HNF4G: variants seen among roughly 807,000 people sequenced by gnomAD.
HNF4G encodes the protein hepatocyte nuclear factor 4-gamma.
Under a neutral mutation model 50.9 loss-of-function variants are expected in HNF4G, and 21 were observed. The observed-to-expected ratio is 0.41, with a 90% CI of 0.29 to 0.59. The LOEUF is 0.59. Among genes scored for constraint, HNF4G ranks in the 20% least tolerant of loss-of-function variants. The pLI is 0.26. For missense variants in HNF4G, 527 were observed against 559.4 expected (o/e 0.94, Z 0.58); for synonymous variants, 198 against 185.6 (o/e 1.07, Z -0.54).
intron 1 of HNF4G, among the ~76,000 whole-genome samples, chr8:75,462,703 T>C (rs1235670096): frequency 3.9e-5 from 6 of 152,152 alleles, no homozygotes; most frequent in African/African-American, 1.4e-4. Flanking sequence ...ATTACGGTAG[T>C]GTAATATAAT....
intron 2 of HNF4G, among the ~76,000 whole-genome samples, chr8:75,523,834 A>G (rs1199388470): frequency 1.3e-5 from 2 of 151,992 alleles, no homozygotes; most frequent in Admixed American, 1.3e-4. Flanking sequence ...AATTTTATAT[A>G]CTTCTATATT....
intron 2 of HNF4G, among the ~76,000 whole-genome samples, chr8:75,501,485 C>T (rs574212028): frequency 1.3e-5 from 2 of 152,008 alleles, no homozygotes; most frequent in Admixed American, 6.6e-5. Context: ...ATAGACAGAT[C>T]GATAAGTTGA....
intron 2 of HNF4G, among the ~76,000 whole-genome samples, chr8:75,513,662 T>G (rs1336079217): frequency 6.6e-6 from 1 of 152,110 alleles, no homozygotes; most frequent in African/African-American, 2.4e-5. Context: ...TTTTCCCTGT[T>G]GCTTGTTTTC....
intron 1 of HNF4G, among the ~76,000 whole-genome samples, chr8:75,453,537 G>C (rs551539962): frequency 7.2e-6 from 1 of 138,442 alleles, no homozygotes; most frequent in Admixed American, 8.5e-5. Context: ...GTGGCAACCT[G>C]CTAGGGTTCC....
At chr8:75,454,644 T>G (rs889751022) in intron 1 of HNF4G, among the ~76,000 whole-genome samples, 10 of 152,214 alleles carry the variant, frequency 6.6e-5, no homozygotes, top group African/African-American at 2.4e-4. Flanking sequence ...TCTCCCTATT[T>G]GCTCAGGTCT....
chr8:75,417,960 T>TACACAC (rs144672882), intron 1 of HNF4G, among the ~76,000 whole-genome samples: 185 of 148,866 alleles, frequency 1.2e-3, no homozygotes, highest in African/African-American at 2.4e-3. Context: ...TGTGTGTGTC[T>TACACAC]ACACACACAC....
chr8:75,439,861 T>C lies in HNF4G; in HGVS notation c.-144+31699T>C, dbSNP rs1453827743. ...TTTAGATAATTCAGTTTTTACTACATAACTAAGACTTTTTTTTATAGCAAG... is the reference window on the plus strand; with the variant it reads ...TTTAGATAATTCAGTTTTTACTACACAACTAAGACTTTTTTTTATAGCAAG... On this transcript the variant is annotated intron_variant, in intron 1 of 10. Transcript: ENST00000354370. 5.9e-5 allele frequency among the ~76,000 whole-genome samples: 9 copies of C among 152,178 alleles called. No individual in the cohort carries two copies. In the East Asian group the frequency reaches 1.7e-3, roughly 29 times the overall value.
At chr8:75,434,920 CA>C (rs1811102061) in intron 1 of HNF4G, among the ~76,000 whole-genome samples, 1 of 152,114 alleles carries the variant, frequency 6.6e-6, no homozygotes, top group African/African-American at 2.4e-5. Context: ...AACCCATTGT[CA>C]AAAATCTCTC....
intron 1 of HNF4G, among the ~76,000 whole-genome samples, chr8:75,466,282 C>T (rs1811968832): frequency 6.6e-6 from 1 of 152,092 alleles, no homozygotes; most frequent in African/African-American, 2.4e-5. Context: ...CAAGCAATGA[C>T]TGCCTCTTTA....
chr8:75,413,572 T>C (rs911068675), intron 1 of HNF4G, among the ~76,000 whole-genome samples: 1 of 151,460 alleles, frequency 6.6e-6, no homozygotes, highest in Non-Finnish European at 1.5e-5. Flanking sequence ...GGGATACCTA[T>C]AAAAAAAAAT....
intron 2 of HNF4G, among the ~76,000 whole-genome samples, chr8:75,531,464 ACTAT>A (rs1343697290): frequency 1.3e-5 from 2 of 152,110 alleles, no homozygotes; most frequent in African/African-American, 4.8e-5. Context: ...TTATCTTTCC[ACTAT>A]CTAAGTATTT....
intron 2 of HNF4G, among the ~76,000 whole-genome samples, chr8:75,514,219 T>A: frequency 6.6e-6 from 1 of 151,970 alleles, no homozygotes; most frequent in Non-Finnish European, 1.5e-5. Context: ...TATAATGATT[T>A]TTTTTGGTCT....
At chr8:75,472,339 T>C (rs1367589706) in intron 1 of HNF4G, among the ~76,000 whole-genome samples, 1 of 152,184 alleles carries the variant, frequency 6.6e-6, no homozygotes, top group South Asian at 2.1e-4. Flanking sequence ...CTCCCTCCTT[T>C]TGAGAAAAGA....
intron 2 of HNF4G, among the ~76,000 whole-genome samples, chr8:75,513,709 C>T (rs922590286): frequency 6.6e-6 from 1 of 151,858 alleles, no homozygotes; most frequent in Non-Finnish European, 1.5e-5. Flanking sequence ...AAATTTTTCT[C>T]CAACTATAGT....
At chr8:75,443,365 T>C (rs1217636978) in intron 1 of HNF4G, among the ~76,000 whole-genome samples, 1 of 152,212 alleles carries the variant, frequency 6.6e-6, no homozygotes, top group African/African-American at 2.4e-5. Flanking sequence ...TTCCAGTCTC[T>C]AAAATGAGAA....
chr8:75,534,512 G>A (rs553377621), intron 2 of HNF4G, among the ~76,000 whole-genome samples: 56 of 151,886 alleles, frequency 3.7e-4, no homozygotes, highest in African/African-American at 1.2e-3. Flanking sequence ...ATTTAATAAC[G>A]ATAGTTTTTA....
At chr8:75,497,415 G>T (rs751356721) in intron 2 of HNF4G, among the ~76,000 whole-genome samples, 20 of 152,190 alleles carry the variant, frequency 1.3e-4, no homozygotes, top group Admixed American at 7.9e-4. Context: ...GCTAGGCACG[G>T]TGGCTCACGC....
intron 1 of HNF4G, among the ~76,000 whole-genome samples, chr8:75,439,701 CAT>C (rs2130542591): frequency 6.6e-6 from 1 of 152,068 alleles, no homozygotes; most frequent in South Asian, 2.1e-4. Context: ...TATATTAAAT[CAT>C]GTCAAAAACT....
At chr8:75,410,451 T>C (rs759754030) in intron 1 of HNF4G, among the ~76,000 whole-genome samples, 4 of 152,138 alleles carry the variant, frequency 2.6e-5, no homozygotes, top group African/African-American at 7.2e-5. Flanking sequence ...AAAAATATAA[T>C]AAAATGGGAA....
Sources: allele counts gnomAD v4.1 joint callset (sites outside exome capture counted in the v4.1 genomes callset), GRCh38; gene constraint gnomAD v4.1.1; transcripts MANE v1.5; gene names NCBI Gene and HGNC (gene_info 2026-07-23, HGNC 2026-07-21).